Variants in SLC1A3 observed in about 807,000 individuals in gnomAD.
The protein encoded by SLC1A3 is excitatory amino acid transporter 1.
SLC1A3 carries 21 observed loss-of-function variants against 48.1 expected under a neutral mutation model. That is an observed-to-expected ratio of 0.44 (90% CI 0.31 to 0.63). SLC1A3 has a LOEUF of 0.63. Among genes scored for constraint, SLC1A3 ranks in the 20% least tolerant of loss-of-function variants. SLC1A3 has a pLI of 0.08. For missense variants in SLC1A3, 546 were observed against 689.0 expected, an observed-to-expected ratio of 0.79 and a Z score of 2.32; for synonymous variants, 239 against 251.4, an observed-to-expected ratio of 0.95 and a Z score of 0.47.
At chr5:36,653,552 T>C (rs1020152559) in intron 3 of SLC1A3, among the ~76,000 whole-genome samples, 3 of 152,250 alleles carry the variant, frequency 2.0e-5, no homozygotes, top group Admixed American at 6.5e-5. Flanking sequence ...CTTTTACAGT[T>C]GTTCCTGACA....
At chr5:36,626,400 G>A (rs1354317150) in intron 2 of SLC1A3, among the ~76,000 whole-genome samples, 1 of 151,978 alleles carries the variant, frequency 6.6e-6, no homozygotes, top group Non-Finnish European at 1.5e-5. Flanking sequence ...GCCTACCCTT[G>A]GAAATATTAC....
At chr5:36,680,309 G>A in intron 7 of SLC1A3, 86 bp from the exon 8 acceptor site, 3 of 1,086,578 alleles carry the variant, frequency 2.8e-6, no homozygotes, top group South Asian at 2.5e-5. Flanking sequence ...GGGAGAGGAA[G>A]GAACTGTCTG....
chr5:36,619,801 G>C (rs192627549), intron 2 of SLC1A3, among the ~76,000 whole-genome samples: 1 of 152,108 alleles, frequency 6.6e-6, no homozygotes, highest in African/African-American at 2.4e-5. Context: ...AATTGTAATG[G>C]CTAAATTGCT....
intron 2 of SLC1A3, chr5:36,613,543 G>A (rs940806449): frequency 6.6e-6 from 1 of 152,286 alleles, no homozygotes; most frequent in African/African-American, 2.4e-5. Context: ...ACAGTCGGGC[G>A]CCCACACCTC....
chr5:36,609,227 C>G, intron 2 of SLC1A3: 1 of 968,966 alleles, frequency 1.0e-6, no homozygotes, highest in African/African-American at 1.8e-5. Context: ...CCATCTCTTA[C>G]TAATTTAGCA....
intron 5 of SLC1A3, among the ~76,000 whole-genome samples, chr5:36,674,763 G>A (rs1177850843): frequency 1.3e-5 from 2 of 152,102 alleles, no homozygotes; most frequent in Non-Finnish European, 2.9e-5. Context: ...AATTCATTGT[G>A]TTGACTCCAA....
Position 36,679,868 on chromosome 5 carries a change from T to G in SLC1A3, c.1094+8T>G. The stretch of plus-strand genomic sequence containing the variant: ...TCTGGGGACCTCTTCAAGGTATGTA[T>G]GTATGTGTGGAAAATGAGTCTGAAA... On this transcript the variant is annotated splice_region_variant and intron_variant, in intron 7 of 9. Coordinates refer to ENST00000265113, the MANE Select transcript of SLC1A3 (RefSeq NM_004172.5). 6.3e-7 allele frequency: 1 copy of G among 1,593,200 alleles called. No individual in the cohort carries two copies. The highest frequency in any genetic ancestry group is 2.2e-5 in the East Asian group (1 of 44,800).
At chr5:36,644,050 TAAATAAA>T (rs1740738602) in intron 3 of SLC1A3, among the ~76,000 whole-genome samples, 2 of 141,606 alleles carry the variant, frequency 1.4e-5, no homozygotes, top group Non-Finnish European at 3.2e-5. Flanking sequence ...AATAAATAAA[TAAATAAA>T]TTGCAATGTG....
chr5:36,670,228 G>A (rs1741931928), intron 3 of SLC1A3, among the ~76,000 whole-genome samples: 1 of 152,120 alleles, frequency 6.6e-6, no homozygotes. Context: ...ATGACACCTT[G>A]CCTGAGGCAG....
intron 4 of SLC1A3, among the ~76,000 whole-genome samples, chr5:36,673,775 G>T (rs1265295682): frequency 6.6e-6 from 1 of 152,084 alleles, no homozygotes; most frequent in East Asian, 1.9e-4. Flanking sequence ...CTAGTAGCAG[G>T]GTTTTTAATA....
At chr5:36,611,072 G>A (rs944385315) in intron 2 of SLC1A3, among the ~76,000 whole-genome samples, 1 of 152,138 alleles carries the variant, frequency 6.6e-6, no homozygotes, top group African/African-American at 2.4e-5. Context: ...TATTTAGCTT[G>A]TCACTGGGTT....
At chr5:36,624,196 G>C (rs767824989) in intron 2 of SLC1A3, among the ~76,000 whole-genome samples, 1 of 152,248 alleles carries the variant, frequency 6.6e-6, no homozygotes, top group Non-Finnish European at 1.5e-5. Flanking sequence ...AAAGCTAGCT[G>C]TTGACTTCGT....
rs749359314 is a variant in SLC1A3 at position 36,684,005 on chromosome 5, A to G, written c.1424+7A>G. On this transcript the variant is annotated splice_region_variant and intron_variant, in intron 9 of 9. Coordinates refer to ENST00000265113, the MANE Select transcript of SLC1A3 (RefSeq NM_004172.5). ...TCGCGGTGGACTGGTTCCTGTGAGT[A>G]TGCTTGGCCTGCATTCCAGCTCACT... 1.2e-6 allele frequency: 2 copies of G among 1,614,146 alleles called. No homozygotes were observed.
intron 3 of SLC1A3, among the ~76,000 whole-genome samples, chr5:36,655,897 G>A (rs1444100793): frequency 6.6e-6 from 1 of 152,180 alleles, no homozygotes. Flanking sequence ...ATTGCATTAA[G>A]ATGAGTGCAA....
rs1046855477 is a variant in SLC1A3, at chr5:36,687,454, G to A, written c.*1185G>A. 8 of 151,698 alleles carry A rather than the reference G, an allele frequency of 5.3e-5. No homozygotes were observed. Among genetic ancestry groups the A allele is most frequent in the Non-Finnish European group, 1.0e-4 (7 of 67,960 alleles). 9.4% of individuals were successfully genotyped at this position (151,698 alleles called of 1,614,324 possible). On this transcript the variant is annotated 3_prime_UTR_variant, in exon 10 of 10. Transcript: ENST00000265113. ...TTTTTCACCTGAAACACTTTTTCTC[G>A]AGTCCAAAATCATTCCCCCCGTGAA... is the stretch of plus-strand genomic sequence containing the variant.
At position 36,677,049 on chromosome 5, in the gene SLC1A3, A is replaced by G. The variant is rs749768412; in HGVS notation, c.725A>G (p.Asn242Ser). 2 of 1,614,166 alleles carry G rather than the reference A, an allele frequency of 1.2e-6. No homozygotes were observed. Among genetic ancestry groups the G allele is most frequent in the African/African-American group, 1.3e-5 (1 of 75,048 alleles). Residue 242 changes from asparagine (N) to serine (S), a missense_variant, in exon 6 of 10, where the codon AAT becomes AGT. Asn to Ser is a conservative substitution (Grantham distance 46). Coordinates refer to ENST00000265113, the MANE Select transcript of SLC1A3 (RefSeq NM_004172.5). ...GTTCCAGGATCTGTGAATGGAGTCA[A>G]TGCCCTGGGTCTAGTTGTCTTCTCC... ...VPVPGSVNGV[N>S]ALGLVVFSMC...
Position 36,683,818 on chromosome 5 carries a change from G to C in SLC1A3, c.1290-46G>C, listed in dbSNP as rs56256473. 0.088 allele frequency: 141,039 copies of C among 1,610,852 alleles called. 7,219 individuals carry two copies. Among genetic ancestry groups the C allele is most frequent in the Non-Finnish European group, 0.1 (122,048 of 1,177,056 alleles). On this transcript the variant is annotated intron_variant, in intron 8 of 9. Coordinates refer to ENST00000265113, the MANE Select transcript of SLC1A3 (RefSeq NM_004172.5). ...TTTTGCAGCGTATATGCTCTACGTG[G>C]GGAGCTTTGTAAAAGTGTTTTCTGT...
intron 3 of SLC1A3, chr5:36,668,020 C>T (rs1741828800): frequency 6.6e-6 from 1 of 152,174 alleles, no homozygotes. Context: ...TACCTACATA[C>T]CAAAGTAACT....
chr5:36,606,201 ACT>A (rs1205637861), upstream of SLC1A3, among the ~76,000 whole-genome samples: 2 of 152,224 alleles, frequency 1.3e-5, no homozygotes, highest in African/African-American at 4.8e-5. Context: ...CGAAAAAGGA[ACT>A]TTCTCGTAAC....
Sources: allele counts gnomAD v4.1 joint callset (sites outside exome capture counted in the v4.1 genomes callset), GRCh38; gene constraint gnomAD v4.1.1; transcripts MANE v1.5; gene names NCBI Gene and HGNC (gene_info 2026-07-23, HGNC 2026-07-21).